HECW2: variants seen among roughly 807,000 people sequenced by gnomAD.
HECW2 encodes E3 ubiquitin-protein ligase HECW2.
Under a neutral mutation model 175.2 loss-of-function variants are expected in HECW2, and 61 were observed. The observed-to-expected ratio is 0.35, with a 90% CI of 0.28 to 0.43. The LOEUF (loss-of-function observed/expected upper bound fraction) is 0.43. HECW2 is among the 20% of genes least tolerant of loss of function. HECW2 has a pLI of 1.00. For missense variants in HECW2, 1,524 were observed against 2,000.5 expected (o/e 0.76, Z 4.54); for synonymous variants, 671 against 731.0 (o/e 0.92, Z 1.32).
intron 2 of HECW2, among the ~76,000 whole-genome samples, chr2:196,415,738 A>G (rs1695238213): frequency 6.6e-6 from 1 of 152,220 alleles, no homozygotes; most frequent in Non-Finnish European, 1.5e-5. Flanking sequence ...ACAAAGCCTG[A>G]AGAATATTTA....
At chr2:196,222,877 G>T (rs1687719255) in intron 23 of HECW2, among the ~76,000 whole-genome samples, 1 of 150,574 alleles carries the variant, frequency 6.6e-6, no homozygotes, top group South Asian at 2.1e-4. Context: ...TTTTCTTCAT[G>T]GTTCTTATTC....
chr2:196,320,007 T>C, intron 8 of HECW2, 103 bp from the exon 9 acceptor site: 1 of 1,163,660 alleles, frequency 8.6e-7, no homozygotes, highest in East Asian at 2.6e-5. Flanking sequence ...AAATCAGTCA[T>C]TCTGAGGGCT....
chr2:196,347,035 G>A (rs1033423796), intron 2 of HECW2, among the ~76,000 whole-genome samples: 6 of 149,648 alleles, frequency 4.0e-5, no homozygotes, highest in East Asian at 3.9e-4. Context: ...TTCCATTTCC[G>A]TTTGGTGACT....
chr2:196,287,986 CCTTTTTTTTTTTTAT>C (rs1460390347), intron 14 of HECW2: 1 of 150,356 alleles, frequency 6.7e-6, no homozygotes, highest in Non-Finnish European at 1.5e-5. Context: ...AGGCACACAT[CCTTTTTTTTTTTTAT>C]CTTTTTTTTT....
At chr2:196,254,102 A>G in intron 18 of HECW2, 73 bp from the exon 19 acceptor site, 1 of 1,573,364 alleles carries the variant, frequency 6.4e-7, no homozygotes, top group Non-Finnish European at 8.7e-7. Context: ...CCAAAGGAGT[A>G]GAATATTCCA....
chr2:196,590,209 A>T (rs754756198), intron 1 of HECW2, among the ~76,000 whole-genome samples: 2 of 152,196 alleles, frequency 1.3e-5, no homozygotes, highest in Non-Finnish European at 2.9e-5. Context: ...TTTGATAATT[A>T]AGATAAACCA....
At chr2:196,515,368 G>A (rs62184700) in intron 1 of HECW2, among the ~76,000 whole-genome samples, 5,538 of 152,336 alleles carry the variant, frequency 0.036, 160 homozygotes, top group Non-Finnish European at 0.06. Flanking sequence ...CCCAGCAGGC[G>A]CAAACAAAAC....
intron 1 of HECW2, among the ~76,000 whole-genome samples, 188 bp from the exon 2 acceptor site, chr2:196,433,646 T>C (rs1296699447): frequency 6.6e-6 from 1 of 152,178 alleles, no homozygotes; most frequent in East Asian, 1.9e-4. Context: ...TAGAGTCAAG[T>C]CACATGATGG....
chr2:196,422,937 C>A (rs1409005956), intron 2 of HECW2, among the ~76,000 whole-genome samples: 1 of 152,138 alleles, frequency 6.6e-6, no homozygotes, highest in Non-Finnish European at 1.5e-5. Context: ...CCTTGTAAAG[C>A]ATGTTGATTT....
At chr2:196,261,478 C>T (rs1261287164) in intron 17 of HECW2, among the ~76,000 whole-genome samples, 1 of 152,130 alleles carries the variant, frequency 6.6e-6, no homozygotes, top group African/African-American at 2.4e-5. Context: ...ACCAATGAAT[C>T]AGTAGATAAA....
chr2:196,235,881 A>G (rs1688235812), intron 21 of HECW2, among the ~76,000 whole-genome samples: 1 of 151,778 alleles, frequency 6.6e-6, no homozygotes, highest in African/African-American at 2.4e-5. Context: ...GATGGTCTCG[A>G]TCTTCTGACC....
chr2:196,207,215 T>C (rs1687101356), intron 28 of HECW2, among the ~76,000 whole-genome samples: 1 of 152,140 alleles, frequency 6.6e-6, no homozygotes, highest in African/African-American at 2.4e-5. Context: ...GAGGTATCTT[T>C]AAATAAGGCA....
At chr2:196,423,670 T>C (rs1695464353) in intron 2 of HECW2, among the ~76,000 whole-genome samples, 2 of 116,856 alleles carry the variant, frequency 1.7e-5, no homozygotes, top group African/African-American at 3.7e-5. Flanking sequence ...TTTTAATGAA[T>C]GTATAGTATT....
chr2:196,320,846 G>A (rs555882724), intron 7 of HECW2, among the ~76,000 whole-genome samples: 20 of 152,234 alleles, frequency 1.3e-4, no homozygotes, highest in African/African-American at 4.3e-4. Flanking sequence ...CTGGTTCCTC[G>A]GCATTTAGCA....
chr2:196,207,916 G>C (rs1158366238), intron 28 of HECW2, among the ~76,000 whole-genome samples: 1 of 152,198 alleles, frequency 6.6e-6, no homozygotes, highest in African/African-American at 2.4e-5. Context: ...TTCAAACTAT[G>C]CATTCTGAGC....
intron 1 of HECW2, among the ~76,000 whole-genome samples, chr2:196,460,980 G>T (rs919676532): frequency 2.6e-5 from 4 of 151,814 alleles, no homozygotes; most frequent in African/African-American, 2.4e-5. Flanking sequence ...AATTAATTAC[G>T]TGAGAAAATA....
At chr2:196,404,738 C>T (rs1463301212) in intron 2 of HECW2, among the ~76,000 whole-genome samples, 1 of 151,938 alleles carries the variant, frequency 6.6e-6, no homozygotes, top group Non-Finnish European at 1.5e-5. Context: ...TTATCAATTT[C>T]CTCCTTATCC....
In HECW2 at chr2:196,569,038, T is replaced by C. The variant is rs544590471; in HGVS notation, c.-36+24470A>G. On this transcript the variant is annotated intron_variant, in intron 1 of 28. Transcript: ENST00000644978. ...AAATTACATGAGATGTTCACAGCTT[T>C]GTTATAAAATAGGCTCTGGCTGGGA... Among the ~76,000 whole-genome samples the C allele has an allele frequency of 2.0e-5, 3 of 152,348 alleles. No homozygotes were observed. The East Asian group carries it at 5.8e-4, about 29-fold the overall frequency.
chr2:196,511,778 T>G lies in HECW2; in HGVS notation c.-35-78320A>C, dbSNP rs567129317. Among the ~76,000 whole-genome samples, 16 of 151,998 alleles carry G rather than the reference T, an allele frequency of 1.1e-4. No homozygotes were observed. In the East Asian group the frequency reaches 3.1e-3, roughly 29 times the overall value. On this transcript the variant is annotated intron_variant, in intron 1 of 28. Coordinates refer to ENST00000644978, the MANE Select transcript of HECW2 (RefSeq NM_001348768.2). ...TTAAGGGGCAGGCAAACAATCAAGG[T>G]TGATATAACAAGGAGGTTTCTAGAG... is the stretch of plus-strand genomic sequence containing the variant.
Sources: allele counts gnomAD v4.1 joint callset (sites outside exome capture counted in the v4.1 genomes callset), GRCh38; gene constraint gnomAD v4.1.1; transcripts MANE v1.5; gene names NCBI Gene and HGNC (gene_info 2026-07-23, HGNC 2026-07-21).